ACSS2: variants seen among roughly 807,000 people sequenced by gnomAD.
The protein encoded by ACSS2 is acetyl-coenzyme A synthetase, cytoplasmic.
In ACSS2, 58 loss-of-function variants were observed where a neutral mutation model predicts 90.6. The ratio of observed to expected loss-of-function variants is 0.64; its 90% CI spans 0.52 to 0.80. The LOEUF is 0.80. Ranked by LOEUF, ACSS2 falls within the 30% of genes least tolerant of loss-of-function variation. ACSS2 has a pLI of 0.00. For missense variants in ACSS2, 759 were observed against 912.0 expected (o/e 0.83, Z 2.16); for synonymous variants, 300 against 330.9 (o/e 0.91, Z 1.01).
At chr20:34,889,535 G>A (rs901972044) in intron 2 of ACSS2, among the ~76,000 whole-genome samples, 1 of 151,526 alleles carries the variant, frequency 6.6e-6, no homozygotes, top group Non-Finnish European at 1.5e-5. Flanking sequence ...GATTACAGGT[G>A]TGAGCCACCA....
intron 2 of ACSS2, among the ~76,000 whole-genome samples, chr20:34,897,582 GGGTGGATCACCTGAGGTT>G (rs1288403753): frequency 2.6e-5 from 4 of 152,160 alleles, no homozygotes; most frequent in African/African-American, 4.8e-5. Flanking sequence ...AGGCTGAGGT[GGGTGGATCACCTGAGGTT>G]GGTGGATCAC....
chr20:34,878,083 G>A (rs1318965241), intron 1 of ACSS2, among the ~76,000 whole-genome samples: 4 of 152,150 alleles, frequency 2.6e-5, no homozygotes, highest in African/African-American at 9.7e-5. Context: ...ACAGGCGGAC[G>A]CCATGACACC....
chr20:34,920,956 A>T, intron 9 of ACSS2, 50 bp from the exon 10 acceptor site: 1 of 1,610,768 alleles, frequency 6.2e-7, no homozygotes, highest in Non-Finnish European at 8.5e-7. Context: ...AGGGGGATGA[A>T]TAGAAGGACT....
Position 34,927,338 on chromosome 20 carries a change from A to G in ACSS2, c.*124A>G. 2 of 1,332,488 alleles carry G rather than the reference A, an allele frequency of 1.5e-6. No individual in the cohort carries two copies. The highest frequency in any genetic ancestry group is 2.1e-6 in the Non-Finnish European group (2 of 960,024). The allele number at this position is 1,332,488 out of a possible 1,614,324, so 82.5% of individuals were successfully genotyped here. Reference sequence around the variant, plus strand: ...ACCCTCCCTTGACCAGCTGTCTGGGACCGGAAACCAGCTTTGTCTCCAGGT... The same window carrying G: ...ACCCTCCCTTGACCAGCTGTCTGGGGCCGGAAACCAGCTTTGTCTCCAGGT... On this transcript the variant is annotated 3_prime_UTR_variant, in exon 18 of 18. Transcript: ENST00000360596. This position sits in a 1 kb window ranked among gnomAD's most constrained non-coding sequence, Gnocchi z 4.2.
rs747577313 is a variant in ACSS2 at position 34,923,378 on chromosome 20, G to A, written c.1604G>A (p.Arg535His). ...IMRTVYGNHE[R>H]FETTYFKKFP... Reference sequence around the variant, plus strand: ...CGCACAGTCTATGGGAACCACGAACGCTTTGAGACAACCTACTTTAAGAAG... The same window carrying A: ...CGCACAGTCTATGGGAACCACGAACACTTTGAGACAACCTACTTTAAGAAG... The change falls in exon 14 of 18, where the codon CGC becomes CAC. Residue 535 changes from arginine to histidine, a missense_variant. Physicochemically the swap from Arg to His is conservative, Grantham distance 29. Coordinates refer to ENST00000360596, the MANE Select transcript of ACSS2 (RefSeq NM_018677.4). The A allele has an allele frequency of 9.3e-6, 15 of 1,614,074 alleles. No homozygotes were observed. Among genetic ancestry groups the A allele is most frequent in the East Asian group, 4.5e-5 (2 of 44,900 alleles).
intron 15 of ACSS2, 115 bp from the exon 16 acceptor site, chr20:34,925,990 G>A (rs1014520026): frequency 5.2e-6 from 6 of 1,148,144 alleles, no homozygotes; most frequent in African/African-American, 3.1e-5. Context: ...TCTGAGGAGT[G>A]AATGAAGGGT....
intron 2 of ACSS2, among the ~76,000 whole-genome samples, chr20:34,904,811 G>C (rs1422535181): frequency 6.6e-6 from 1 of 151,586 alleles, no homozygotes; most frequent in Admixed American, 6.6e-5. Flanking sequence ...TCCAGGTGAA[G>C]GAAAAGTAGT....
At position 34,882,908 on chromosome 20, in the gene ACSS2, G is replaced by A; in HGVS notation, c.293G>A (p.Gly98Glu). 1 of 1,613,914 alleles carries A rather than the reference G, an allele frequency of 6.2e-7. No individual in the cohort carries two copies. ...KGKIFIEWMK[G>E]ATTNICYNVL... ...AAAATCTTCATTGAGTGGATGAAAGGAGCAACTACCAACATCTGCTACAAT... is the reference window on the plus strand; with the variant it reads ...AAAATCTTCATTGAGTGGATGAAAGAAGCAACTACCAACATCTGCTACAAT... The change falls in exon 2 of 18, where the codon GGA becomes GAA. Residue 98 changes from glycine (G) to glutamate (E), a missense_variant. Gly to Glu is a moderately conservative substitution (Grantham distance 98, BLOSUM62 -2). Coordinates refer to ENST00000360596, the MANE Select transcript of ACSS2 (RefSeq NM_018677.4).
At chr20:34,926,455 GATA>G (rs1360170217) in intron 16 of ACSS2, among the ~76,000 whole-genome samples, 174 bp downstream of exon 16, 3 of 152,268 alleles carry the variant, frequency 2.0e-5, no homozygotes, top group African/African-American at 4.8e-5. Flanking sequence ...CTCCCACTAG[GATA>G]ATAATAATAG....
chr20:34,884,780 C>T (rs1363959705), intron 2 of ACSS2, among the ~76,000 whole-genome samples: 2 of 152,144 alleles, frequency 1.3e-5, no homozygotes, highest in African/African-American at 4.8e-5. Context: ...CAAAGGAGGC[C>T]GGGCATGGTG....
At chr20:34,917,985 C>T (rs188154340) in intron 7 of ACSS2, among the ~76,000 whole-genome samples, 36 of 152,178 alleles carry the variant, frequency 2.4e-4, no homozygotes, top group Non-Finnish European at 4.6e-4. Context: ...ACTCACTCCT[C>T]ACCTCAGGTG....
Position 34,914,096 on chromosome 20 carries a change from ATG to A in ACSS2, c.645_646del (p.Ala216LeufsTer15). The stretch of plus-strand genomic sequence containing the variant: ...CTGGAATGTCTGTTGCTCCCCAAAG[ATG>A]CCTTCTACAGGGGGGAAAAGCTTGT... On this transcript the variant is annotated frameshift_variant and splice_region_variant, in exon 6 of 18. Coordinates refer to ENST00000360596, the MANE Select transcript of ACSS2 (RefSeq NM_018677.4). LOFTEE classifies it high-confidence loss of function. The A allele has an allele frequency of 6.2e-7, 1 of 1,614,122 alleles. No homozygotes were observed. Among genetic ancestry groups the A allele is most frequent in the Non-Finnish European group, 8.5e-7 (1 of 1,180,016 alleles).
Position 34,921,600 on chromosome 20 carries a change from T to C in ACSS2, c.1467T>C (p.Ala489=), listed in dbSNP as rs1468069169. The C allele has an allele frequency of 6.2e-7, 1 of 1,614,210 alleles. No homozygotes were observed. The change falls in exon 12 of 18, where the codon GCT becomes GCC. Residue 489 remains alanine, a splice_region_variant and synonymous_variant. Transcript: ENST00000360596. The part of the protein sequence containing the change: ...PGATPMKPGS[A]TFPFFGVAPA... ...CCACACCCATGAAACCCGGTTCTGC[T>C]GTGAGTGATGCTTCCCTGGCTGGTC...
At chr20:34,926,376 C>A in intron 16 of ACSS2, 95 bp downstream of exon 16, 1 of 1,397,286 alleles carries the variant, frequency 7.2e-7, no homozygotes. Flanking sequence ...AAGCTGCTCC[C>A]CAAACCACAA....
chr20:34,924,700 GTTGTTTGT>G (rs773214412), intron 14 of ACSS2, among the ~76,000 whole-genome samples: 4 of 101,156 alleles, frequency 4.0e-5, no homozygotes, highest in Non-Finnish European at 8.8e-5. Flanking sequence ...TGTTGTTGTT[GTTGTTTGT>G]TTTTTTTTTG....
At chr20:34,898,562 G>A (rs2080528827) in intron 2 of ACSS2, among the ~76,000 whole-genome samples, 1 of 151,258 alleles carries the variant, frequency 6.6e-6, no homozygotes, top group Non-Finnish European at 1.5e-5. Flanking sequence ...TACAATCCCT[G>A]AGCTAGACAT....
At chr20:34,906,121 G>A (rs2080796029) in intron 2 of ACSS2, among the ~76,000 whole-genome samples, 1 of 152,006 alleles carries the variant, frequency 6.6e-6, no homozygotes, top group Non-Finnish European at 1.5e-5. Context: ...GGATCACAAG[G>A]TCAAGAGATT....
chr20:34,902,367 G>GA (rs1406276528), intron 2 of ACSS2, among the ~76,000 whole-genome samples: 1 of 152,114 alleles, frequency 6.6e-6, no homozygotes, highest in Non-Finnish European at 1.5e-5. Flanking sequence ...TATAGTTTGA[G>GA]AAAAATGCTG....
At chr20:34,924,853 C>T (rs911624752) in intron 14 of ACSS2, among the ~76,000 whole-genome samples, 6 of 152,028 alleles carry the variant, frequency 3.9e-5, no homozygotes, top group African/African-American at 1.4e-4. Context: ...GCGGGTGCCA[C>T]CATGCCTGGC....
Sources: allele counts gnomAD v4.1 joint callset (sites outside exome capture counted in the v4.1 genomes callset), GRCh38; gene constraint gnomAD v4.1.1; non-coding constraint Gnocchi (gnomAD v3.1); transcripts MANE v1.5; gene names NCBI Gene and HGNC (gene_info 2026-07-23, HGNC 2026-07-21).